Variants in CAMTA1 observed in about 807,000 individuals in gnomAD.
CAMTA1 encodes the protein calmodulin binding transcription activator 1.
In CAMTA1, 27 loss-of-function variants were observed where a neutral mutation model predicts 170.9. The observed-to-expected ratio is 0.16, with a 90% CI of 0.12 to 0.22. The LOEUF (loss-of-function observed/expected upper bound fraction) is 0.22, where lower values mean the gene tolerates loss of function less well. Among genes scored for constraint, CAMTA1 ranks in the 10% least tolerant of loss-of-function variants. CAMTA1 has a pLI of 1.00. For missense variants in CAMTA1, 1,619 were observed against 2,217.2 expected (o/e 0.73, Z 5.42); for synonymous variants, 833 against 891.5 (o/e 0.93, Z 1.17).
chr1:7,176,092 C>G (rs1650756928), intron 4 of CAMTA1, among the ~76,000 whole-genome samples: 1 of 152,204 alleles, frequency 6.6e-6, no homozygotes, highest in Non-Finnish European at 1.5e-5. Flanking sequence ...CAGATTCCTC[C>G]TCTTCGGTAA....
intron 3 of CAMTA1, among the ~76,000 whole-genome samples, chr1:7,016,766 T>C (rs1700604122): frequency 1.3e-5 from 2 of 151,786 alleles, no homozygotes; most frequent in African/African-American, 4.8e-5. Context: ...ACCCAGGAGG[T>C]TGGAGGTTGC....
chr1:7,345,003 G>A (rs1426497778), intron 5 of CAMTA1, among the ~76,000 whole-genome samples: 5 of 151,944 alleles, frequency 3.3e-5, no homozygotes, highest in East Asian at 1.9e-4. Context: ...CTCCTGCCTC[G>A]GCCTCCCAAA....
At chr1:6,892,096 C>T (rs1029066867) in intron 3 of CAMTA1, among the ~76,000 whole-genome samples, 1 of 152,224 alleles carries the variant, frequency 6.6e-6, no homozygotes, top group Non-Finnish European at 1.5e-5. Flanking sequence ...TGGCTAACCT[C>T]TACTTCAGCA....
chr1:7,433,266 C>A (rs2149370091), intron 5 of CAMTA1, among the ~76,000 whole-genome samples: 1 of 152,342 alleles, frequency 6.6e-6, no homozygotes, highest in South Asian at 2.1e-4. Context: ...CCTGCATCCT[C>A]CACCTGGGCA....
At chr1:7,711,753 T>C (rs2096572393) in intron 11 of CAMTA1, among the ~76,000 whole-genome samples, 1 of 152,248 alleles carries the variant, frequency 6.6e-6, no homozygotes, top group South Asian at 2.1e-4. Context: ...GATGTCACTC[T>C]AGCCAGAACC....
At chr1:7,091,262 T>G in intron 3 of CAMTA1, 42 bp from the exon 4 acceptor site, 127 of 1,426,216 alleles carry the variant, frequency 8.9e-5, no homozygotes, top group Non-Finnish European at 1.2e-4. Context: ...GGATCCAATG[T>G]GAGCTAATTG....
rs1235032876 is a variant in CAMTA1, at chr1:7,548,914, G to T, written c.510+81013G>T. Among the ~76,000 whole-genome samples, 2 of 126,532 alleles carry T rather than the reference G, an allele frequency of 1.6e-5. 1 individual carries two copies. The highest frequency in any genetic ancestry group is 3.4e-5 in the Non-Finnish European group (2 of 58,286). The allele number at this position is 126,532 out of a possible 152,430, so 83.0% of individuals were successfully genotyped here. A position where few individuals can be genotyped will look rare whatever the true frequency, so the allele number is the denominator to read the frequency against. The stretch of plus-strand genomic sequence containing the variant: ...AGGGGTGGAAGTGCCCATGCAGGGT[G>T]CCCCTTAGGAGTGGAAGTGCTGGTG... On this transcript the variant is annotated intron_variant, in intron 6 of 22. Coordinates refer to ENST00000303635, the MANE Select transcript of CAMTA1 (RefSeq NM_015215.4).
intron 6 of CAMTA1, among the ~76,000 whole-genome samples, chr1:7,601,501 C>T (rs1310343859): frequency 3.4e-5 from 5 of 148,636 alleles, no homozygotes; most frequent in East Asian, 3.9e-4. Context: ...AGACGATGGG[C>T]GGCCAGGCAG....
At chr1:7,337,136 G>C (rs1301144069) in intron 5 of CAMTA1, among the ~76,000 whole-genome samples, 3 of 152,202 alleles carry the variant, frequency 2.0e-5, no homozygotes, top group Admixed American at 2.0e-4. Context: ...GCAGAATGTT[G>C]GTGAGTCCGT....
At chr1:7,750,333 G>A (rs1331266756) in intron 19 of CAMTA1, among the ~76,000 whole-genome samples, 2 of 152,192 alleles carry the variant, frequency 1.3e-5, no homozygotes, top group East Asian at 3.9e-4. Context: ...CAGATACAGG[G>A]ATTTTCTGGG....
At chr1:7,281,071 C>T (rs748445634) in intron 5 of CAMTA1, among the ~76,000 whole-genome samples, 4 of 152,142 alleles carry the variant, frequency 2.6e-5, no homozygotes, top group Non-Finnish European at 5.9e-5. Flanking sequence ...TGAGCACTGG[C>T]AAATATGGAC....
chr1:7,730,728 T>A (rs1352589466), intron 11 of CAMTA1, among the ~76,000 whole-genome samples: 1 of 152,026 alleles, frequency 6.6e-6, no homozygotes, highest in Non-Finnish European at 1.5e-5. Flanking sequence ...AAACCCCGTC[T>A]CTACTAAAAA....
At chr1:7,046,346 G>A (rs940466707) in intron 3 of CAMTA1, among the ~76,000 whole-genome samples, 1 of 152,164 alleles carries the variant, frequency 6.6e-6, no homozygotes, top group Non-Finnish European at 1.5e-5. Context: ...AACAGCAGGA[G>A]GCCAGGATAC....
rs955937062 is a variant in CAMTA1 at position 7,493,373 on chromosome 1, G to A, written c.510+25472G>A. The stretch of plus-strand genomic sequence containing the variant: ...AACACAAACATACAAACACACGTGC[G>A]CACACACAAACAAACACGTGCACAC... On this transcript the variant is annotated intron_variant, in intron 6 of 22. Coordinates refer to ENST00000303635, the MANE Select transcript of CAMTA1 (RefSeq NM_015215.4). Among the ~76,000 whole-genome samples, 5 of 72,100 alleles carry A rather than the reference G, an allele frequency of 6.9e-5. 1 individual carries two copies. The highest frequency in any genetic ancestry group is 1.5e-4 in the African/African-American group (1 of 6,462). 47.3% of individuals were successfully genotyped at this position (72,100 alleles called of 152,430 possible).
At chr1:7,179,870 A>G (rs1192981505) in intron 4 of CAMTA1, among the ~76,000 whole-genome samples, 1 of 152,224 alleles carries the variant, frequency 6.6e-6, no homozygotes, top group Non-Finnish European at 1.5e-5. Context: ...CACAAGAAAC[A>G]TAATAGTAAG....
In CAMTA1 at chr1:7,633,575, G is replaced by A. The variant is rs116252340; in HGVS notation, c.511-6825G>A. Among the ~76,000 whole-genome samples the A allele has an allele frequency of 5.0e-3, 759 of 152,296 alleles. 8 individuals carry two copies. Among genetic ancestry groups the A allele is most frequent in the African/African-American group, 0.016 (672 of 41,562 alleles). On this transcript the variant is annotated intron_variant, in intron 6 of 22. Transcript: ENST00000303635. The surrounding 1 kb of genome is among the most constrained non-coding windows in gnomAD (Gnocchi z 4.1). ...ATTGGTCCTGAGACACTGAGTCTCC[G>A]GAGAGGAGACAGCCACCCCTGCACC...
chr1:7,625,847 G>A (rs1164872311), intron 6 of CAMTA1, among the ~76,000 whole-genome samples: 1 of 152,212 alleles, frequency 6.6e-6, no homozygotes, highest in African/African-American at 2.4e-5. Context: ...AGAGGGGCCG[G>A]CCCCAGACTT....
chr1:7,412,861 T>G (rs2090888606), intron 5 of CAMTA1, among the ~76,000 whole-genome samples: 1 of 152,170 alleles, frequency 6.6e-6, no homozygotes. Flanking sequence ...ATTGCCTAGG[T>G]TTTCTTCTAG....
intron 6 of CAMTA1, among the ~76,000 whole-genome samples, chr1:7,502,669 C>T (rs571749195): frequency 6.6e-5 from 10 of 152,310 alleles, no homozygotes; most frequent in Middle Eastern, 3.4e-3. Flanking sequence ...AAGCGAAGCC[C>T]CAGGGCTCTG....
Sources: gnomAD v4.1 joint callset for allele counts (sites outside exome capture counted in the v4.1 genomes callset) on GRCh38, gnomAD v4.1.1 for gene constraint, Gnocchi (gnomAD v3.1) non-coding constraint, MANE v1.5 for transcripts, NCBI Gene and HGNC (gene_info 2026-07-23, HGNC 2026-07-21) for gene names.